Variants in FBXL7 observed in about 807,000 individuals in gnomAD.
FBXL7 encodes F-box and leucine rich repeat protein 7, also known as F-box/LRR-repeat protein 7.
Under a neutral mutation model 38.3 loss-of-function variants are expected in FBXL7, and 12 were observed. That is an observed-to-expected ratio of 0.31 (90% CI 0.20 to 0.51). The LOEUF (loss-of-function observed/expected upper bound fraction) is 0.51. Among genes scored for constraint, FBXL7 ranks in the 20% least tolerant of loss-of-function variants. FBXL7 has a pLI of 0.98. For synonymous variants in FBXL7, 297 were observed against 300.9 expected, an observed-to-expected ratio of 0.99 and a Z score of 0.13; for missense variants, 567 against 676.4, an observed-to-expected ratio of 0.84 and a Z score of 1.79.
intron 2 of FBXL7, among the ~76,000 whole-genome samples, chr5:15,684,163 A>G (rs1454439525): frequency 1.3e-5 from 2 of 152,170 alleles, no homozygotes; most frequent in African/African-American, 4.8e-5. Context: ...GTAATTGCTG[A>G]TATATGGTCC....
chr5:15,815,111 C>T (rs897283651), intron 2 of FBXL7, among the ~76,000 whole-genome samples: 1 of 152,138 alleles, frequency 6.6e-6, no homozygotes, highest in Non-Finnish European at 1.5e-5. Flanking sequence ...TTCTACCAAC[C>T]AGTTGGTACC....
intron 1 of FBXL7, among the ~76,000 whole-genome samples, chr5:15,570,496 CTTT>C (rs899566769): frequency 5.9e-5 from 9 of 152,082 alleles, no homozygotes; most frequent in African/African-American, 1.2e-4. Flanking sequence ...TCCTTTTCTT[CTTT>C]ATTAGTCTTG....
chr5:15,520,507 C>A (rs1737068496), intron 1 of FBXL7, among the ~76,000 whole-genome samples: 1 of 152,134 alleles, frequency 6.6e-6, no homozygotes, highest in African/African-American at 2.4e-5. Context: ...TGTATACGTG[C>A]ACTATTTCAG....
chr5:15,548,663 G>C (rs954083996), intron 1 of FBXL7, among the ~76,000 whole-genome samples: 1 of 152,184 alleles, frequency 6.6e-6, no homozygotes, highest in Non-Finnish European at 1.5e-5. Flanking sequence ...AAGGACATGT[G>C]CCCAGGAGAC....
At chr5:15,514,442 T>G (rs1289441764) in intron 1 of FBXL7, among the ~76,000 whole-genome samples, 2 of 152,106 alleles carry the variant, frequency 1.3e-5, no homozygotes, top group Admixed American at 6.6e-5. Context: ...AATGGGACAT[T>G]GACCAAGAAT....
At chr5:15,826,956 A>G (rs985262726) in intron 2 of FBXL7, among the ~76,000 whole-genome samples, 5 of 151,304 alleles carry the variant, frequency 3.3e-5, no homozygotes, top group Non-Finnish European at 2.9e-5. Flanking sequence ...TACACAAAGG[A>G]TGATGGATCT....
At chr5:15,500,910 T>C (rs187321463) in intron 1 of FBXL7, among the ~76,000 whole-genome samples, 197 bp downstream of exon 1, 2 of 152,230 alleles carry the variant, frequency 1.3e-5, no homozygotes, top group African/African-American at 4.8e-5. Flanking sequence ...TTTTCCACTG[T>C]GGGGGTCTCT....
chr5:15,541,724 T>C (rs906640973), intron 1 of FBXL7, among the ~76,000 whole-genome samples: 3 of 151,370 alleles, frequency 2.0e-5, no homozygotes, highest in African/African-American at 7.3e-5. Flanking sequence ...TTTGTATTTT[T>C]AGTAGAGATG....
rs61060901 is a variant in FBXL7 at position 15,825,039 on chromosome 5, G to C, written c.128-102851G>C. On this transcript the variant is annotated intron_variant, in intron 2 of 3. Transcript: ENST00000504595. Reference sequence around the variant, plus strand: ...CAAATATATTAATTTTGGAACATGAGATATTATAAACTCAATGGGTTTTTT... The same window carrying C: ...CAAATATATTAATTTTGGAACATGACATATTATAAACTCAATGGGTTTTTT... 3.0e-3 allele frequency among the ~76,000 whole-genome samples: 458 copies of C among 152,254 alleles called. 4 individuals are homozygous for C. Among genetic ancestry groups the C allele is most frequent in the African/African-American group, 0.011 (437 of 41,550 alleles).
chr5:15,521,881 A>T (rs1737104605), intron 1 of FBXL7, among the ~76,000 whole-genome samples: 1 of 152,248 alleles, frequency 6.6e-6, no homozygotes, highest in South Asian at 2.1e-4. Context: ...AAATCCTTAA[A>T]CAACTATACA....
intron 2 of FBXL7, among the ~76,000 whole-genome samples, chr5:15,639,592 G>A (rs766031458): frequency 3.3e-5 from 5 of 151,908 alleles, no homozygotes; most frequent in South Asian, 4.2e-4. Flanking sequence ...TCCCAGTCTC[G>A]GGTGTGTCTT....
intron 1 of FBXL7, among the ~76,000 whole-genome samples, chr5:15,550,787 A>G (rs1738044020): frequency 6.6e-6 from 1 of 152,192 alleles, no homozygotes; most frequent in East Asian, 1.9e-4. Flanking sequence ...GGACTGCCCA[A>G]AGGTAATGAG....
intron 2 of FBXL7, among the ~76,000 whole-genome samples, chr5:15,691,797 A>C (rs558029859): frequency 6.6e-6 from 1 of 152,224 alleles, no homozygotes; most frequent in South Asian, 2.1e-4. Flanking sequence ...TTATCATTTC[A>C]TCATCTTCTG....
chr5:15,732,930 A>G (rs1378190644), intron 2 of FBXL7, among the ~76,000 whole-genome samples: 1 of 152,134 alleles, frequency 6.6e-6, no homozygotes, highest in Non-Finnish European at 1.5e-5. Flanking sequence ...ATTATATTAT[A>G]CGTTACATAT....
intron 2 of FBXL7, among the ~76,000 whole-genome samples, chr5:15,881,793 T>G (rs989892591): frequency 6.6e-6 from 1 of 152,220 alleles, no homozygotes; most frequent in Non-Finnish European, 1.5e-5. Context: ...GCAAACATAT[T>G]CATTTGTAAG....
Position 15,927,366 on chromosome 5 carries a change from T to C in FBXL7, c.128-524T>C, listed in dbSNP as rs189872992. 2.6e-5 allele frequency among the ~76,000 whole-genome samples: 4 copies of C among 152,274 alleles called. No individual in the cohort carries two copies. In the East Asian group the frequency reaches 5.8e-4, roughly 22 times the overall value. ...CACAGGGAATTGTTGCTTTCTGGAATGGGCGACACGTGCATGTGCTTGGTC... is the reference window on the plus strand; with the variant it reads ...CACAGGGAATTGTTGCTTTCTGGAACGGGCGACACGTGCATGTGCTTGGTC... On this transcript the variant is annotated intron_variant, in intron 2 of 3. Transcript: ENST00000504595.
At chr5:15,731,093 GA>G in intron 2 of FBXL7, among the ~76,000 whole-genome samples, 1 of 152,308 alleles carries the variant, frequency 6.6e-6, no homozygotes, top group East Asian at 1.9e-4. Flanking sequence ...ATAACCGTCT[GA>G]GTACATTCTT....
intron 2 of FBXL7, among the ~76,000 whole-genome samples, chr5:15,648,751 T>C (rs1741615367): frequency 6.6e-6 from 1 of 152,216 alleles, no homozygotes; most frequent in African/African-American, 2.4e-5. Context: ...TTATGCCGTG[T>C]TGAAGACCTC....
intron 2 of FBXL7, among the ~76,000 whole-genome samples, chr5:15,646,387 A>T (rs548657963): frequency 6.6e-6 from 1 of 152,174 alleles, no homozygotes. Flanking sequence ...TAAGTGGTCA[A>T]CTTATGAATT....
Sources: allele counts gnomAD v4.1 joint callset (sites outside exome capture counted in the v4.1 genomes callset), GRCh38; gene constraint gnomAD v4.1.1; transcripts MANE v1.5; gene names NCBI Gene and HGNC (gene_info 2026-07-23, HGNC 2026-07-21).